Variants in BICRAL observed in about 807,000 individuals in gnomAD.
BICRAL encodes BRD4-interacting chromatin-remodeling complex-associated protein-like.
Under a neutral mutation model 91.8 loss-of-function variants are expected in BICRAL, and 8 were observed. The ratio of observed to expected loss-of-function variants is 0.09; its 90% CI spans 0.05 to 0.16. The LOEUF (loss-of-function observed/expected upper bound fraction) is 0.16. Ranked by LOEUF, BICRAL falls within the 10% of genes least tolerant of loss-of-function variation. BICRAL has a pLI of 1.00. For synonymous variants in BICRAL, 445 were observed against 491.1 expected (o/e 0.91, Z 1.24); for missense variants, 1,038 against 1,310.9 (o/e 0.79, Z 3.21).
At chr6:42,799,486 G>T (rs906517228) in intron 1 of BICRAL, among the ~76,000 whole-genome samples, 9 of 151,838 alleles carry the variant, frequency 5.9e-5, no homozygotes, top group African/African-American at 2.2e-4. Context: ...AGTAGAGATG[G>T]GGTTTCACCG....
chr6:42,776,234 C>T (rs749998514), intron 1 of BICRAL, among the ~76,000 whole-genome samples: 3 of 152,088 alleles, frequency 2.0e-5, no homozygotes, highest in Non-Finnish European at 4.4e-5. Flanking sequence ...ATTGACCAGG[C>T]TGGTCTCTTG....
intron 1 of BICRAL, among the ~76,000 whole-genome samples, chr6:42,799,296 C>CTT (rs573158175): frequency 1.8e-4 from 24 of 137,018 alleles, no homozygotes; most frequent in African/African-American, 2.4e-4. Context: ...ACCACTAAAT[C>CTT]TTTTTTTTTT....
chr6:42,834,537 C>G (rs1369818483), intron 6 of BICRAL, among the ~76,000 whole-genome samples: 1 of 152,152 alleles, frequency 6.6e-6, no homozygotes. Flanking sequence ...TTACTAGTAG[C>G]ATTCTAATTT....
At chr6:42,846,434 T>C (rs1361215760) in intron 6 of BICRAL, among the ~76,000 whole-genome samples, 5 of 150,410 alleles carry the variant, frequency 3.3e-5, no homozygotes, top group Non-Finnish European at 7.4e-5. Context: ...TATAGATTCC[T>C]AAACCCCACA....
At position 42,828,616 on chromosome 6, in the gene BICRAL, C is replaced by G; in HGVS notation, c.283C>G (p.Pro95Ala). 1 of 1,614,108 alleles carries G rather than the reference C, an allele frequency of 6.2e-7. No homozygotes were observed. Among genetic ancestry groups the G allele is most frequent in the Non-Finnish European group, 8.5e-7 (1 of 1,180,018 alleles). Residue 95 changes from proline (P) to alanine (A), a missense_variant, in exon 6 of 13, where the codon CCT becomes GCT. Transcript: ENST00000314073. ...LEDELESSPL[P>A]DLTEDQPFDI... ...AGATGAACTCGAGTCTTCTCCTCTT[C>G]CTGATCTCACTGAGGACCAACCTTT...
rs1445232935 is a variant in BICRAL at position 42,839,353 on chromosome 6, C to G, written c.1839+9181C>G. Reference sequence around the variant, plus strand: ...AGAGCTGGGGTCTTGCTATGTTACCCAGGCTGGCTCTAACTCCTGGGGTCA... The same window carrying G: ...AGAGCTGGGGTCTTGCTATGTTACCGAGGCTGGCTCTAACTCCTGGGGTCA... On this transcript the variant is annotated intron_variant, in intron 6 of 12. Coordinates refer to ENST00000314073, the MANE Select transcript of BICRAL (RefSeq NM_001393499.1). 2.0e-5 allele frequency among the ~76,000 whole-genome samples: 3 copies of G among 151,880 alleles called. No individual in the cohort carries two copies. In the East Asian group the frequency reaches 5.8e-4, roughly 29 times the overall value.
intron 1 of BICRAL, among the ~76,000 whole-genome samples, chr6:42,775,422 T>G (rs1477770509): frequency 1.3e-5 from 2 of 152,134 alleles, no homozygotes; most frequent in Non-Finnish European, 2.9e-5. Flanking sequence ...CCACTTCCTC[T>G]CCACTCCCCC....
At chr6:42,803,445 A>G (rs1017862184) in intron 1 of BICRAL, among the ~76,000 whole-genome samples, 1 of 152,186 alleles carries the variant, frequency 6.6e-6, no homozygotes, top group Non-Finnish European at 1.5e-5. Flanking sequence ...TGGACCATGG[A>G]GGACCAGGCC....
At chr6:42,817,732 T>C (rs977353809) in intron 2 of BICRAL, among the ~76,000 whole-genome samples, 3 of 152,014 alleles carry the variant, frequency 2.0e-5, no homozygotes, top group African/African-American at 7.2e-5. Context: ...AGAAACCCCA[T>C]ACCCATGACA....
intron 1 of BICRAL, among the ~76,000 whole-genome samples, chr6:42,797,286 T>G (rs1763442666): frequency 1.3e-5 from 2 of 152,146 alleles, no homozygotes; most frequent in Non-Finnish European, 2.9e-5. Context: ...GTAAGGAGAC[T>G]TCTTTGGATG....
Position 42,853,563 on chromosome 6 carries a change from T to C in BICRAL, c.1946-75T>C, listed in dbSNP as rs969506911. The C allele has an allele frequency of 8.7e-6, 9 of 1,038,590 alleles. No homozygotes were observed. In the African/African-American group the frequency reaches 1.2e-4, roughly 14 times the overall value. 64.3% of individuals were successfully genotyped at this position (1,038,590 alleles called of 1,614,324 possible). A position where few individuals can be genotyped will look rare whatever the true frequency, so the allele number is the denominator to read the frequency against. ...CAGAATGCTCAACAGTCTGTACCCA[T>C]TGGGTTCTAGGGTTATATGATGGAC... On this transcript the variant is annotated intron_variant, in intron 7 of 12. Transcript: ENST00000314073.
chr6:42,773,549 C>G (rs1004593720), intron 1 of BICRAL, among the ~76,000 whole-genome samples: 2 of 152,148 alleles, frequency 1.3e-5, no homozygotes, highest in Non-Finnish European at 2.9e-5. Flanking sequence ...GAGTCTCGCT[C>G]TGTCACCCAG....
intron 1 of BICRAL, among the ~76,000 whole-genome samples, chr6:42,788,702 C>T (rs946741189): frequency 2.0e-5 from 3 of 152,116 alleles, no homozygotes; most frequent in African/African-American, 7.2e-5. Flanking sequence ...TGAGGCAAGG[C>T]CGGTGACTTA....
rs57964119 is a variant in BICRAL, at chr6:42,862,410, A to G, written c.2350-100A>G. On this transcript the variant is annotated intron_variant, in intron 11 of 12. Transcript: ENST00000314073. ...GAGGCTCACTTTTCACATGCCCTGT[A>G]GTATCTTTTGAATTTTGTACCAATG... The G allele has an allele frequency of 4.3e-3, 3,342 of 780,058 alleles. 76 individuals carry two copies. In the African/African-American group the frequency reaches 0.051, roughly 12 times the overall value. The allele number at this position is 780,058 out of a possible 1,614,324, so 48.3% of individuals were successfully genotyped here. A position where few individuals can be genotyped will look rare whatever the true frequency, so the allele number is the denominator to read the frequency against.
intron 2 of BICRAL, among the ~76,000 whole-genome samples, chr6:42,814,428 T>C (rs1444956452): frequency 6.9e-6 from 1 of 144,506 alleles, no homozygotes; most frequent in Non-Finnish European, 1.5e-5. Context: ...TACATATATA[T>C]ACACATACAT....
At chr6:42,773,498 A>G (rs1244512446) in intron 1 of BICRAL, among the ~76,000 whole-genome samples, 3 of 151,730 alleles carry the variant, frequency 2.0e-5, no homozygotes, top group Non-Finnish European at 4.4e-5. Context: ...GATTATAGGC[A>G]AGAGCCACCT....
Position 42,867,227 on chromosome 6 carries a change from G to A in BICRAL, c.*1781G>A. The A allele has an allele frequency of 5.5e-6, 1 of 181,700 alleles. No individual in the cohort carries two copies. The highest frequency in any genetic ancestry group is 2.5e-3 in the Middle Eastern group (1 of 406). 11.3% of individuals were successfully genotyped at this position (181,700 alleles called of 1,614,324 possible). ...AGCAACAGAAGACCTATACCCCGGT[G>A]CCCCTGTGTCCCACTACACACAGAA... is the stretch of plus-strand genomic sequence containing the variant. On this transcript the variant is annotated 3_prime_UTR_variant, in exon 13 of 13. Coordinates refer to ENST00000314073, the MANE Select transcript of BICRAL (RefSeq NM_001393499.1).
rs111990226 is a variant in BICRAL at position 42,857,075 on chromosome 6, C to A, written c.2109-16C>A. ...AACATGACTTTACATTGACATTGAC[C>A]ATTTCCCTTGTAAAGCATTCTCCAG... On this transcript the variant is annotated splice_polypyrimidine_tract_variant and intron_variant, in intron 9 of 12. Coordinates refer to ENST00000314073, the MANE Select transcript of BICRAL (RefSeq NM_001393499.1). The A allele has an allele frequency of 6.9e-6, 11 of 1,599,124 alleles. No individual in the cohort carries two copies. The African/African-American group carries it at 1.3e-4, about 20-fold the overall frequency.
At chr6:42,809,331 G>A (rs1763791889) in intron 1 of BICRAL, among the ~76,000 whole-genome samples, 1 of 151,772 alleles carries the variant, frequency 6.6e-6, no homozygotes, top group Non-Finnish European at 1.5e-5. Context: ...CCTCAAGTAG[G>A]AATTAAAGCA....
Sources: allele counts gnomAD v4.1 joint callset (sites outside exome capture counted in the v4.1 genomes callset), GRCh38; gene constraint gnomAD v4.1.1; transcripts MANE v1.5; gene names NCBI Gene and HGNC (gene_info 2026-07-23, HGNC 2026-07-21).